MBD5: variants seen among roughly 807,000 people sequenced by gnomAD.
The protein encoded by MBD5 is methyl-CpG binding domain protein 5.
In MBD5, 13 loss-of-function variants were observed where a neutral mutation model predicts 117.3. The observed-to-expected ratio is 0.11, with a 90% CI of 0.07 to 0.18. The LOEUF (loss-of-function observed/expected upper bound fraction) is 0.18, where lower values mean the gene tolerates loss of function less well. Among genes scored for constraint, MBD5 ranks in the 10% least tolerant of loss-of-function variants. The pLI, the probability that MBD5 is intolerant of heterozygous loss-of-function variation, is 1.00. For synonymous variants in MBD5, 727 were observed against 766.4 expected (o/e 0.95, Z 0.85); for missense variants, 1,879 against 2,093.8 (o/e 0.90, Z 2.00).
chr2:148,417,523 G>C (rs146923227), intron 4 of MBD5, among the ~76,000 whole-genome samples: 1 of 151,950 alleles, frequency 6.6e-6, no homozygotes, highest in African/African-American at 2.4e-5. Context: ...AGTTCTTTGA[G>C]AAATCTCCAT....
chr2:148,218,408 T>C (rs1699607301), intron 2 of MBD5, among the ~76,000 whole-genome samples: 2 of 152,208 alleles, frequency 1.3e-5, no homozygotes, highest in South Asian at 4.1e-4. Flanking sequence ...TCTGCTATTA[T>C]TCAATTAGCT....
At chr2:148,390,882 C>A (rs114922897) in intron 4 of MBD5, among the ~76,000 whole-genome samples, 2 of 152,128 alleles carry the variant, frequency 1.3e-5, no homozygotes, top group Non-Finnish European at 2.9e-5. Flanking sequence ...TTGTTAATTA[C>A]AAATTTTAAA....
chr2:148,349,161 G>A (rs909621035), intron 4 of MBD5, among the ~76,000 whole-genome samples: 15 of 151,802 alleles, frequency 9.9e-5, no homozygotes, highest in South Asian at 2.1e-4. Context: ...GTTAAAAAGC[G>A]CTACGCTAAA....
chr2:148,403,796 G>C (rs920022545), intron 4 of MBD5, among the ~76,000 whole-genome samples: 1 of 152,120 alleles, frequency 6.6e-6, no homozygotes, highest in Non-Finnish European at 1.5e-5. Context: ...CCCATGTGCA[G>C]ATTCATGTGT....
chr2:148,065,001 A>G (rs1488998708), intron 1 of MBD5, among the ~76,000 whole-genome samples: 2 of 152,144 alleles, frequency 1.3e-5, no homozygotes, highest in Non-Finnish European at 2.9e-5. Context: ...TTCAGGCCCC[A>G]TACACCAGTA....
chr2:148,387,750 AAAAGATAATATTTACTATAGCAAC>A (rs1336560259), intron 4 of MBD5, among the ~76,000 whole-genome samples: 2 of 152,120 alleles, frequency 1.3e-5, no homozygotes, highest in Non-Finnish European at 2.9e-5. Context: ...AAAAAGTTAG[AAAAGATAATATTTACTATAGCAAC>A]AAAGATATAA....
At chr2:148,366,550 G>A (rs1003570542) in intron 4 of MBD5, among the ~76,000 whole-genome samples, 1 of 152,168 alleles carries the variant, frequency 6.6e-6, no homozygotes, top group African/African-American at 2.4e-5. Flanking sequence ...CCTGTTTGCA[G>A]ATGCCATGAT....
At chr2:148,027,154 T>G (rs1480342301) in intron 1 of MBD5, 1 of 152,178 alleles carries the variant, frequency 6.6e-6, no homozygotes, top group Non-Finnish European at 1.5e-5. Context: ...CTTTGGTGTA[T>G]GTATACACAT....
At position 148,458,258 on chromosome 2, in the gene MBD5, A is replaced by C. The variant is rs1553517395; in HGVS notation, c.-501A>C. On this transcript the variant is annotated 5_prime_UTR_variant, in exon 5 of 14. Coordinates refer to ENST00000642680, the MANE Select transcript of MBD5 (RefSeq NM_001378120.1). ...AACATCAGATGAACCAACCTGCAAC[A>C]CCTTGGATTCAGATTGGAAGATAAA... The C allele has an allele frequency of 4.9e-6, 2 of 404,832 alleles. No homozygotes were observed. Among genetic ancestry groups the C allele is most frequent in the Non-Finnish European group, 8.7e-6 (2 of 229,310 alleles). 25.1% of individuals were successfully genotyped at this position (404,832 alleles called of 1,614,324 possible). A position where few individuals can be genotyped will look rare whatever the true frequency, so the allele number is the denominator to read the frequency against.
intron 3 of MBD5, among the ~76,000 whole-genome samples, chr2:148,262,332 C>T (rs1700750799): frequency 6.6e-6 from 1 of 151,678 alleles, no homozygotes; most frequent in African/African-American, 2.4e-5. Flanking sequence ...ACATGAATCT[C>T]TTTTATCATC....
chr2:148,221,305 C>G (rs1699679962), intron 2 of MBD5, among the ~76,000 whole-genome samples: 1 of 152,106 alleles, frequency 6.6e-6, no homozygotes, highest in African/African-American at 2.4e-5. Context: ...ATTACTGAAT[C>G]ATGTGGTAGC....
chr2:148,444,587 A>G (rs1266865916), intron 4 of MBD5, among the ~76,000 whole-genome samples: 1 of 151,300 alleles, frequency 6.6e-6, no homozygotes, highest in Non-Finnish European at 1.5e-5. Context: ...TTCAATATTA[A>G]TCTTTCAGAA....
At position 148,484,062 on chromosome 2, in the gene MBD5, T is replaced by C; in HGVS notation, c.3471T>C (p.Pro1157=). ...LNISNNAGNT[P]GPAKLNSNSV... ...TATCTAATAATGCTGGGAATACACCTGGTCCAGCTAAACTCAACAGTAACT... is the reference window on the plus strand; with the variant it reads ...TATCTAATAATGCTGGGAATACACCCGGTCCAGCTAAACTCAACAGTAACT... Residue 1157 remains proline, a synonymous_variant, in exon 9 of 14, where the codon CCT becomes CCC. Transcript: ENST00000642680. The C allele has an allele frequency of 6.5e-7, 1 of 1,548,784 alleles. No homozygotes were observed. Among genetic ancestry groups the C allele is most frequent in the Non-Finnish European group, 8.7e-7 (1 of 1,146,052 alleles).
rs1422887607 is a variant in MBD5 at position 148,469,606 on chromosome 2, C to A, written c.1663C>A (p.Pro555Thr). The change falls in exon 8 of 14, where the codon CCT becomes ACT. Residue 555 changes from proline to threonine, a missense_variant. This residue lies in a region of MBD5 where 1,666 missense variants were observed against 1,792.2 expected (regional missense o/e 0.93). Coordinates refer to ENST00000642680, the MANE Select transcript of MBD5 (RefSeq NM_001378120.1). ...SAGSSSVKSQ[P>T]GLLGMPLNQI... ...CGGAAGTAGTTCTGTAAAGAGTCAGCCTGGTTTGCTGGGAATGCCTTTAAA... is the reference window on the plus strand; with the variant it reads ...CGGAAGTAGTTCTGTAAAGAGTCAGACTGGTTTGCTGGGAATGCCTTTAAA... 6.2e-7 allele frequency: 1 copy of A among 1,613,780 alleles called. No homozygotes were observed. The highest frequency in any genetic ancestry group is 1.3e-5 in the African/African-American group (1 of 74,904).
chr2:148,447,272 A>AAG lies in MBD5; in HGVS notation c.-556-10931_-556-10930insAG, dbSNP rs1559075827. Among the ~76,000 whole-genome samples, 697 of 147,734 alleles carry AAG rather than the reference A, an allele frequency of 4.7e-3. 11 individuals are homozygous for AAG. Among genetic ancestry groups the AAG allele is most frequent in the African/African-American group, 0.017 (654 of 38,406 alleles). On this transcript the variant is annotated intron_variant, in intron 4 of 13. Transcript: ENST00000642680. ...AGGGAGGAAGGAAGGAAGGAAGGAA[A>AAG]GAAAGTAGAGGATTGAAATTGGATG...
At chr2:148,113,005 A>G (rs1260168757) in intron 1 of MBD5, among the ~76,000 whole-genome samples, 1 of 152,176 alleles carries the variant, frequency 6.6e-6, no homozygotes, top group Non-Finnish European at 1.5e-5. Context: ...AAATAAATAA[A>G]TCAATGAATA....
chr2:148,427,907 T>C (rs1035008434), intron 4 of MBD5, among the ~76,000 whole-genome samples: 1 of 151,240 alleles, frequency 6.6e-6, no homozygotes, highest in African/African-American at 2.4e-5. Context: ...GTGCAAAAAC[T>C]GGAAGCATTC....
At chr2:148,365,652 A>C (rs544534413) in intron 4 of MBD5, among the ~76,000 whole-genome samples, 20 of 152,340 alleles carry the variant, frequency 1.3e-4, no homozygotes, top group African/African-American at 4.3e-4. Flanking sequence ...GGCTATCACC[A>C]CTGATCCCAC....
At chr2:148,371,205 A>C (rs1703842579) in intron 4 of MBD5, among the ~76,000 whole-genome samples, 1 of 152,142 alleles carries the variant, frequency 6.6e-6, no homozygotes, top group South Asian at 2.1e-4. Context: ...AAAACATGTT[A>C]ATACTCTTGC....
Sources: gnomAD v4.1 joint callset for allele counts (sites outside exome capture counted in the v4.1 genomes callset) on GRCh38, gnomAD v4.1.1 for gene constraint, gnomAD v4.1.1 regional missense constraint, MANE v1.5 for transcripts, NCBI Gene and HGNC (gene_info 2026-07-23, HGNC 2026-07-21) for gene names.